KIAA1217: variants seen among roughly 807,000 people sequenced by gnomAD.
The protein encoded by KIAA1217 is sickle tail protein homolog.
In KIAA1217, 88 loss-of-function variants were observed where a neutral mutation model predicts 163.9. The observed-to-expected ratio is 0.54, with a 90% CI of 0.45 to 0.64. KIAA1217 has a LOEUF of 0.64. Among genes scored for constraint, KIAA1217 ranks in the 30% least tolerant of loss-of-function variants. KIAA1217 has a pLI of 0.00. For missense variants in KIAA1217, 2,372 were observed against 2,475.0 expected, an observed-to-expected ratio of 0.96 and a Z score of 0.88; for synonymous variants, 903 against 923.1, an observed-to-expected ratio of 0.98 and a Z score of 0.39.
In KIAA1217 at chr10:24,524,730, G is replaced by A; in HGVS notation, c.2864G>A (p.Ser955Asn). 1.9e-6 allele frequency: 3 copies of A among 1,608,264 alleles called. No individual in the cohort carries two copies. Among genetic ancestry groups the A allele is most frequent in the East Asian group, 2.2e-5 (1 of 44,714 alleles). Residue 955 changes from serine (S) to asparagine (N), a missense_variant, in exon 13 of 21, where the codon AGT becomes AAT. Physicochemically the swap from Ser to Asn is conservative, Grantham distance 46. Coordinates refer to ENST00000376454, the MANE Select transcript of KIAA1217 (RefSeq NM_019590.5). ...MQSLFIEEIH[S>N]VSAKNRAVSI... ...AGCTTGTTCATTGAAGAAATCCACAGTGTGAGTGCCAAGAACAGGGCAGTG... is the reference window on the plus strand; with the variant it reads ...AGCTTGTTCATTGAAGAAATCCACAATGTGAGTGCCAAGAACAGGGCAGTG...
intron 2 of KIAA1217, among the ~76,000 whole-genome samples, chr10:24,046,388 C>A (rs529374226): frequency 5.3e-5 from 8 of 152,176 alleles, no homozygotes; most frequent in African/African-American, 1.9e-4. Flanking sequence ...GATAAGGAAA[C>A]AGACAGAGAG....
At chr10:23,768,290 C>A (rs905157408) in intron 1 of KIAA1217, among the ~76,000 whole-genome samples, 4 of 150,834 alleles carry the variant, frequency 2.7e-5, no homozygotes, top group African/African-American at 1.0e-4. Flanking sequence ...ACCCCCAATG[C>A]TGGACACAGT....
intron 1 of KIAA1217, among the ~76,000 whole-genome samples, chr10:23,874,052 A>G (rs1364824387): frequency 6.6e-6 from 1 of 152,038 alleles, no homozygotes; most frequent in African/African-American, 2.4e-5. Flanking sequence ...TAGAAAGAAT[A>G]TGTGCAATAT....
intron 2 of KIAA1217, among the ~76,000 whole-genome samples, chr10:24,180,277 CTTCTT>C (rs1238249308): frequency 1.5e-5 from 2 of 135,736 alleles, no homozygotes; most frequent in African/African-American, 2.8e-5. Flanking sequence ...ACTCCTCAAC[CTTCTT>C]TTTTTTTTTT....
At position 24,546,525 on chromosome 10, in the gene KIAA1217, G is replaced by A. The variant is rs2075729105; in HGVS notation, c.*201G>A. 1 of 591,734 alleles carries A rather than the reference G, an allele frequency of 1.7e-6. No homozygotes were observed. The highest frequency in any genetic ancestry group is 2.9e-6 in the Non-Finnish European group (1 of 344,112). The allele number at this position is 591,734 out of a possible 1,614,324, so 36.7% of individuals were successfully genotyped here. On this transcript the variant is annotated 3_prime_UTR_variant, in exon 21 of 21. Coordinates refer to ENST00000376454, the MANE Select transcript of KIAA1217 (RefSeq NM_019590.5). ...TTTCTTTTTACCTAGTTGCTATAGTGTCTACAGTCTATACTCAATACCTAT... is the reference window on the plus strand; with the variant it reads ...TTTCTTTTTACCTAGTTGCTATAGTATCTACAGTCTATACTCAATACCTAT...
At chr10:23,884,226 A>G (rs1009500037) in intron 1 of KIAA1217, among the ~76,000 whole-genome samples, 2 of 151,944 alleles carry the variant, frequency 1.3e-5, no homozygotes, top group African/African-American at 2.4e-5. Flanking sequence ...CATTCTCCCC[A>G]ACAATGAATG....
chr10:24,355,432 G>T (rs973051910), intron 2 of KIAA1217, among the ~76,000 whole-genome samples: 3 of 152,124 alleles, frequency 2.0e-5, no homozygotes, highest in African/African-American at 7.2e-5. Flanking sequence ...CTTTCTAGTT[G>T]GTAGACCTCT....
chr10:23,981,487 T>C (rs1400449144), intron 1 of KIAA1217, among the ~76,000 whole-genome samples: 2 of 152,248 alleles, frequency 1.3e-5, no homozygotes, highest in Non-Finnish European at 2.9e-5. Context: ...CAAAGGTTAA[T>C]TTTGAGTCTG....
intron 1 of KIAA1217, among the ~76,000 whole-genome samples, chr10:23,848,669 C>T (rs534300708): frequency 6.6e-6 from 1 of 152,104 alleles, no homozygotes; most frequent in East Asian, 1.9e-4. Flanking sequence ...TCTTTCTCAA[C>T]ACCTCCCTTT....
chr10:24,490,309 C>T (rs1044821513), intron 6 of KIAA1217, among the ~76,000 whole-genome samples: 1 of 152,174 alleles, frequency 6.6e-6, no homozygotes, highest in Non-Finnish European at 1.5e-5. Flanking sequence ...CAAGAATGAG[C>T]CTAAATGTCT....
intron 1 of KIAA1217, 68 bp downstream of exon 1, chr10:24,209,331 A>G (rs2130585636): frequency 1.7e-6 from 2 of 1,196,002 alleles, no homozygotes; most frequent in Non-Finnish European, 1.2e-6. Flanking sequence ...GCTGCTTTTT[A>G]TAAACTGCAG....
chr10:24,124,234 T>C (rs996857005), intron 2 of KIAA1217, among the ~76,000 whole-genome samples: 5 of 152,162 alleles, frequency 3.3e-5, no homozygotes, highest in African/African-American at 1.2e-4. Context: ...TGGCCTGTAT[T>C]ATCCTGATTT....
At chr10:23,953,515 A>G (rs889395887) in intron 1 of KIAA1217, among the ~76,000 whole-genome samples, 3 of 152,232 alleles carry the variant, frequency 2.0e-5, no homozygotes, top group African/African-American at 7.2e-5. Flanking sequence ...GCTTTGCCCA[A>G]CTACCAAGAT....
chr10:24,319,428 G>A (rs181592390), intron 2 of KIAA1217, among the ~76,000 whole-genome samples: 49 of 148,728 alleles, frequency 3.3e-4, no homozygotes, highest in African/African-American at 1.2e-3. Context: ...CTTTGGAAAG[G>A]AGATTCTAAA....
intron 1 of KIAA1217, among the ~76,000 whole-genome samples, chr10:23,955,128 A>G (rs560835379): frequency 6.6e-6 from 1 of 152,294 alleles, no homozygotes; most frequent in South Asian, 2.1e-4. Flanking sequence ...TGAAGCAGGC[A>G]ACATTATTGT....
chr10:24,097,938 C>G (rs912692416), intron 2 of KIAA1217, among the ~76,000 whole-genome samples: 5 of 152,116 alleles, frequency 3.3e-5, no homozygotes, highest in Non-Finnish European at 7.3e-5. Flanking sequence ...TCTAGGGAAA[C>G]TGCCTGGAAC....
At chr10:24,540,271 T>C (rs999967443) in intron 17 of KIAA1217, among the ~76,000 whole-genome samples, 2 of 152,212 alleles carry the variant, frequency 1.3e-5, no homozygotes, top group Admixed American at 6.5e-5. Context: ...TCTCGCTCTC[T>C]CGCCCAGGCT....
At chr10:23,743,798 G>A (rs1464565501) in intron 1 of KIAA1217, among the ~76,000 whole-genome samples, 1 of 152,034 alleles carries the variant, frequency 6.6e-6, no homozygotes, top group Non-Finnish European at 1.5e-5. Flanking sequence ...AATTTGCACT[G>A]TCTCATAGTT....
chr10:23,954,323 G>A (rs919077037), intron 1 of KIAA1217, among the ~76,000 whole-genome samples: 2 of 152,096 alleles, frequency 1.3e-5, no homozygotes, highest in Non-Finnish European at 2.9e-5. Context: ...TCAGCACTTT[G>A]GGAAGCCAAG....
Sources: gnomAD v4.1 joint callset for allele counts (sites outside exome capture counted in the v4.1 genomes callset) on GRCh38, gnomAD v4.1.1 for gene constraint, MANE v1.5 for transcripts, NCBI Gene and HGNC (gene_info 2026-07-23, HGNC 2026-07-21) for gene names.